Variants in SLC39A10 observed in about 807,000 individuals in gnomAD.
SLC39A10 encodes zinc transporter ZIP10.
A neutral mutation model predicts 65.1 loss-of-function variants in SLC39A10; 13 were observed. The observed-to-expected ratio is 0.20, with a 90% CI of 0.13 to 0.32. The LOEUF is 0.32. SLC39A10 is among the 10% of genes least tolerant of loss of function. The pLI is 1.00. For synonymous variants in SLC39A10, 321 were observed against 342.2 expected, an observed-to-expected ratio of 0.94 and a Z score of 0.68; for missense variants, 831 against 1,018.4, an observed-to-expected ratio of 0.82 and a Z score of 2.50.
intron 1 of SLC39A10, 200 bp downstream of exon 1, chr2:195,657,481 G>A: frequency 2.0e-6 from 2 of 985,678 alleles, no homozygotes; most frequent in Non-Finnish European, 2.4e-6. Context: ...AGCAGAGCGC[G>A]TGGTGGGCAG....
At chr2:195,669,585 A>G (rs1313878867) in intron 1 of SLC39A10, among the ~76,000 whole-genome samples, 5 of 152,250 alleles carry the variant, frequency 3.3e-5, no homozygotes, top group Non-Finnish European at 5.9e-5. Context: ...TGTCATGTTA[A>G]CCATTTGTAT....
intron 2 of SLC39A10, among the ~76,000 whole-genome samples, chr2:195,640,096 C>T (rs1351781840): frequency 6.6e-6 from 1 of 152,186 alleles, no homozygotes; most frequent in Non-Finnish European, 1.5e-5. Context: ...GACTCTTTCA[C>T]ATACCCTCAT....
At position 195,734,985 on chromosome 2, in the gene SLC39A10, A is replaced by C; in HGVS notation, c.2440A>C (p.Ile814Leu). The C allele has an allele frequency of 6.2e-7, 1 of 1,613,950 alleles. No individual in the cohort carries two copies. Among genetic ancestry groups the C allele is most frequent in the African/African-American group, 1.3e-5 (1 of 75,028 alleles). Residue 814 changes from isoleucine (I) to leucine (L), a missense_variant, in exon 10 of 10, where the codon ATT (isoleucine) becomes CTT (leucine). By Grantham distance (5) the Ile-to-Leu change is conservative. Transcript: ENST00000359634. ...QNLGLLFGFA[I>L]MLVIALYEDK... ...TTTAGGATTGCTCTTTGGATTTGCCATTATGCTGGTGATTGCCCTCTATGA... is the reference window on the plus strand; with the variant it reads ...TTTAGGATTGCTCTTTGGATTTGCCCTTATGCTGGTGATTGCCCTCTATGA...
rs538046463 is a variant in SLC39A10 at position 195,736,314 on chromosome 2, A to C, written c.*1273A>C. 1 of 164,602 alleles carries C rather than the reference A, an allele frequency of 6.1e-6. No homozygotes were observed. Among genetic ancestry groups the C allele is most frequent in the African/African-American group, 2.4e-5 (1 of 41,544 alleles). 10.2% of individuals were successfully genotyped at this position (164,602 alleles called of 1,614,324 possible). A position where few individuals can be genotyped will look rare whatever the true frequency, so the allele number is the denominator to read the frequency against. The stretch of plus-strand genomic sequence containing the variant: ...GAAGTGCAAGCCATGTTTATCCTGA[A>C]TTTTTACTTAATAATTTGTATTACT... On this transcript the variant is annotated 3_prime_UTR_variant, in exon 10 of 10. Coordinates refer to ENST00000359634, the MANE Select transcript of SLC39A10 (RefSeq NM_020342.3).
At chr2:195,665,277 A>G (rs1689592149) in intron 1 of SLC39A10, among the ~76,000 whole-genome samples, 1 of 152,202 alleles carries the variant, frequency 6.6e-6, no homozygotes, top group Admixed American at 6.5e-5. Flanking sequence ...AGATTGCGCC[A>G]TTGCACTCCA....
At chr2:195,734,159 T>TAAAAA (rs35001848) in intron 9 of SLC39A10, among the ~76,000 whole-genome samples, 5 of 116,540 alleles carry the variant, frequency 4.3e-5, no homozygotes, top group African/African-American at 1.0e-4. Flanking sequence ...CCTTTTTTTT[T>TAAAAA]AAAAAAAAAA....
chr2:195,672,609 T>C (rs999857432), intron 1 of SLC39A10, among the ~76,000 whole-genome samples: 1 of 152,252 alleles, frequency 6.6e-6, no homozygotes, highest in Non-Finnish European at 1.5e-5. Context: ...GTACTCAAGA[T>C]ACTTAAAATC....
intron 4 of SLC39A10, among the ~76,000 whole-genome samples, chr2:195,708,306 C>A (rs1294091337): frequency 2.0e-5 from 3 of 152,310 alleles, no homozygotes; most frequent in South Asian, 2.1e-4. Context: ...TGTTTTGTTT[C>A]ATTTTTACTA....
chr2:195,734,829 C>A, intron 9 of SLC39A10, 54 bp from the exon 10 acceptor site: 2 of 1,479,382 alleles, frequency 1.4e-6, no homozygotes, highest in South Asian at 1.4e-5. Flanking sequence ...TTTTTAAAAA[C>A]TGTTTTGAGC....
chr2:195,689,483 T>TAAAAACA (rs1690646930), intron 3 of SLC39A10, among the ~76,000 whole-genome samples: 1 of 152,188 alleles, frequency 6.6e-6, no homozygotes, highest in African/African-American at 2.4e-5. Flanking sequence ...TATAAATGTT[T>TAAAAACA]TTAAACTGTA....
rs186092975 is a variant in SLC39A10 at position 195,671,557 on chromosome 2, T to C, written c.-11-8475T>C. 5 of 152,328 alleles carry C rather than the reference T, an allele frequency of 3.3e-5. No homozygotes were observed. The East Asian group carries it at 9.6e-4, about 29-fold the overall frequency. 9.4% of individuals were successfully genotyped at this position (152,328 alleles called of 1,614,324 possible). On this transcript the variant is annotated intron_variant, in intron 1 of 9. Coordinates refer to ENST00000359634, the MANE Select transcript of SLC39A10 (RefSeq NM_020342.3). ...CCAAAACACAAGAGACATAATAGAA[T>C]ATTTTGGCTTGGGCAAAGCTGTGTC...
At position 195,614,772 on chromosome 2, in the gene SLC39A10, AGTC is replaced by A. The variant is rs1312713362; in HGVS notation, c.-12+8540_-12+8542del. 2.3e-4 allele frequency among the ~76,000 whole-genome samples: 12 copies of A among 52,504 alleles called. No individual in the cohort carries two copies. In the East Asian group the frequency reaches 3.8e-3, roughly 17 times the overall value. 34.4% of individuals were successfully genotyped at this position (52,504 alleles called of 152,430 possible). A position where few individuals can be genotyped will look rare whatever the true frequency, so the allele number is the denominator to read the frequency against. ...TGCCAGCAATATAAATGAAAAAAAT[AGTC>A]AGGCATGGTGGCTTAGGACTGTTAT... is the stretch of plus-strand genomic sequence containing the variant. On this transcript the variant is annotated intron_variant, in intron 2 of 2. Coordinates refer to the SLC39A10 transcript ENST00000458054.
rs1692669890 is a variant in SLC39A10, at chr2:195,737,339, G to GTGAC, written c.*2299_*2302dup. 6.5e-6 allele frequency: 1 copy of GTGAC among 153,296 alleles called. No individual in the cohort carries two copies. Among genetic ancestry groups the GTGAC allele is most frequent in the Admixed American group, 6.5e-5 (1 of 15,390 alleles). 9.5% of individuals were successfully genotyped at this position (153,296 alleles called of 1,614,324 possible). A position where few individuals can be genotyped will look rare whatever the true frequency, so the allele number is the denominator to read the frequency against. The stretch of plus-strand genomic sequence containing the variant: ...GTTACTTGTACAATGCTGTCACTGT[G>GTGAC]TGACATCCATATGAATTTTGGTATA... On this transcript the variant is annotated 3_prime_UTR_variant, in exon 10 of 10. Transcript: ENST00000359634.
intron 8 of SLC39A10, among the ~76,000 whole-genome samples, chr2:195,720,151 T>C (rs1298182265): frequency 6.6e-6 from 1 of 152,210 alleles, no homozygotes; most frequent in Non-Finnish European, 1.5e-5. Flanking sequence ...GGTTTTGAAC[T>C]CCTGACCTCA....
At chr2:195,723,382 G>T (rs4145370) in intron 8 of SLC39A10, among the ~76,000 whole-genome samples, 106,912 of 152,062 alleles carry the variant, frequency 0.7, 37,698 homozygotes, top group Non-Finnish European at 0.73. Context: ...ATAATTTACA[G>T]AAAAGCCTGT....
chr2:195,642,591 G>C (rs1688833733), intron 2 of SLC39A10, among the ~76,000 whole-genome samples: 1 of 152,182 alleles, frequency 6.6e-6, no homozygotes, highest in South Asian at 2.1e-4. Context: ...CCTGGGATTG[G>C]ATAAAATTAC....
chr2:195,696,461 C>T (rs769092352), intron 3 of SLC39A10, among the ~76,000 whole-genome samples: 7 of 151,854 alleles, frequency 4.6e-5, no homozygotes, highest in Non-Finnish European at 7.4e-5. Flanking sequence ...TCAACCAACC[C>T]AAGGACCAAA....
At chr2:195,719,864 C>CA (rs1280782396) in intron 8 of SLC39A10, among the ~76,000 whole-genome samples, 1 of 144,394 alleles carries the variant, frequency 6.9e-6, no homozygotes, top group Non-Finnish European at 1.5e-5. Flanking sequence ...GATCTCGGCT[C>CA]ACCTCAACCT....
At chr2:195,666,139 A>T (rs538908485) in intron 1 of SLC39A10, among the ~76,000 whole-genome samples, 1 of 152,146 alleles carries the variant, frequency 6.6e-6, no homozygotes, top group Non-Finnish European at 1.5e-5. Context: ...TCAAGACTCT[A>T]TGTTCAAGAA....
Sources: allele counts gnomAD v4.1 joint callset (sites outside exome capture counted in the v4.1 genomes callset), GRCh38; gene constraint gnomAD v4.1.1; transcripts MANE v1.5; gene names NCBI Gene and HGNC (gene_info 2026-07-23, HGNC 2026-07-21).